CHSY3: variants seen among roughly 807,000 people sequenced by gnomAD.
CHSY3 encodes the protein chondroitin sulfate synthase 3, also known as N-acetylgalactosaminyl-proteoglycan 3-beta-glucuronosyltransferase 3.
CHSY3 carries 35 observed loss-of-function variants against 67.2 expected under a neutral mutation model. The observed-to-expected ratio is 0.52, with a 90% CI of 0.40 to 0.69. The LOEUF (loss-of-function observed/expected upper bound fraction) is 0.69. Among genes scored for constraint, CHSY3 ranks in the 30% least tolerant of loss-of-function variants. The pLI is 0.00. For missense variants in CHSY3, 1,069 were observed against 1,138.5 expected (o/e 0.94, Z 0.88); for synonymous variants, 474 against 434.7 (o/e 1.09, Z -1.12).
chr5:129,983,979 G>T (rs1015639968), intron 2 of CHSY3, among the ~76,000 whole-genome samples: 6 of 151,990 alleles, frequency 3.9e-5, no homozygotes, highest in Non-Finnish European at 8.8e-5. Context: ...TAGGAAACAA[G>T]GAGTGTTATC....
intron 2 of CHSY3, among the ~76,000 whole-genome samples, chr5:130,173,367 G>A (rs1000076792): frequency 1.3e-5 from 2 of 152,048 alleles, no homozygotes; most frequent in Non-Finnish European, 2.9e-5. Flanking sequence ...GATTCCATGT[G>A]TCCTTTATCC....
At chr5:130,081,554 ACTCC>A (rs1416380314) in intron 2 of CHSY3, among the ~76,000 whole-genome samples, 1 of 151,664 alleles carries the variant, frequency 6.6e-6, no homozygotes, top group Non-Finnish European at 1.5e-5. Flanking sequence ...ACCCAAATCC[ACTCC>A]TGAATTGTGG....
rs771886339 is a variant in CHSY3 at position 130,185,503 on chromosome 5, A to C, written c.2361A>C (p.Lys787Asn). The C allele has an allele frequency of 6.2e-7, 1 of 1,614,144 alleles. No individual in the cohort carries two copies. Among genetic ancestry groups the C allele is most frequent in the Non-Finnish European group, 8.5e-7 (1 of 1,180,004 alleles). Reference protein sequence around the residue: ...DYGYGITCIYKSDLLGAGGFD... With the variant: ...DYGYGITCIYNSDLLGAGGFD... ...GATATGGCATCACCTGTATTTACAAAAGTGATCTTCTAGGTGCAGGTGGAT... is the reference window on the plus strand; with the variant it reads ...GATATGGCATCACCTGTATTTACAACAGTGATCTTCTAGGTGCAGGTGGAT... Residue 787 changes from lysine (K) to asparagine (N), a missense_variant, in exon 3 of 3, where the codon AAA (lysine) becomes AAC (asparagine). This residue lies in a region of CHSY3 where 139 missense variants were observed against 152.8 expected (regional missense o/e 0.91). Coordinates refer to ENST00000305031, the MANE Select transcript of CHSY3 (RefSeq NM_175856.5).
chr5:130,043,834 G>A (rs1291260518), intron 2 of CHSY3, among the ~76,000 whole-genome samples: 1 of 152,074 alleles, frequency 6.6e-6, no homozygotes, highest in Non-Finnish European at 1.5e-5. Context: ...GGAGAAAAAG[G>A]TTGACTTTTG....
At chr5:130,117,792 C>T (rs558758901) in intron 2 of CHSY3, among the ~76,000 whole-genome samples, 1 of 152,262 alleles carries the variant, frequency 6.6e-6, no homozygotes, top group African/African-American at 2.4e-5. Flanking sequence ...GATCATTTTT[C>T]TTGATGCTCA....
At chr5:129,942,331 T>G (rs1359253311) in intron 2 of CHSY3, among the ~76,000 whole-genome samples, 1 of 152,210 alleles carries the variant, frequency 6.6e-6, no homozygotes, top group Non-Finnish European at 1.5e-5. Context: ...TAAATTTGTT[T>G]TATTTAAATG....
At chr5:130,023,623 T>C (rs1205256219) in intron 2 of CHSY3, among the ~76,000 whole-genome samples, 2 of 152,020 alleles carry the variant, frequency 1.3e-5, no homozygotes, top group Non-Finnish European at 2.9e-5. Flanking sequence ...TCTTCAGATT[T>C]ACAGTTTTTC....
At chr5:130,150,652 T>C (rs1769209976) in intron 2 of CHSY3, among the ~76,000 whole-genome samples, 1 of 152,180 alleles carries the variant, frequency 6.6e-6, no homozygotes, top group Admixed American at 6.5e-5. Context: ...ATCATGGTGC[T>C]AAGAGTACTG....
chr5:130,076,474 T>A (rs922652170), intron 2 of CHSY3, among the ~76,000 whole-genome samples: 1 of 151,988 alleles, frequency 6.6e-6, no homozygotes, highest in African/African-American at 2.4e-5. Context: ...CATTTTGGTA[T>A]CCTGCGTCTT....
At chr5:130,085,302 AATATGAG>A (rs1319301800) in intron 2 of CHSY3, among the ~76,000 whole-genome samples, 1 of 152,070 alleles carries the variant, frequency 6.6e-6, no homozygotes, top group African/African-American at 2.4e-5. Context: ...TAATGATATG[AATATGAG>A]ATTTCAAAAG....
chr5:130,137,970 A>G (rs1768720702), intron 2 of CHSY3, among the ~76,000 whole-genome samples: 1 of 152,052 alleles, frequency 6.6e-6, no homozygotes, highest in Non-Finnish European at 1.5e-5. Context: ...AAATTTTTTG[A>G]TTTGTAAATT....
chr5:129,939,072 G>A (rs886145433), intron 2 of CHSY3, among the ~76,000 whole-genome samples: 3 of 152,156 alleles, frequency 2.0e-5, no homozygotes, highest in Non-Finnish European at 4.4e-5. Flanking sequence ...TCTGCTCTTG[G>A]GGAGCCCTCA....
intron 2 of CHSY3, among the ~76,000 whole-genome samples, chr5:130,100,350 A>ATTT (rs3065055): frequency 7.5e-4 from 99 of 131,684 alleles, no homozygotes; most frequent in African/African-American, 2.6e-3. Context: ...ATGCTTGGCT[A>ATTT]TTTTTTTTTT....
chr5:129,904,191 G>A (rs76881141), upstream of CHSY3, among the ~76,000 whole-genome samples: 3,154 of 152,128 alleles, frequency 0.021, 38 homozygotes, highest in South Asian at 0.052. Flanking sequence ...GGGGGAGGAG[G>A]GAAGAGGGGG....
chr5:130,182,027 A>G (rs565837735), intron 2 of CHSY3, among the ~76,000 whole-genome samples: 2 of 152,140 alleles, frequency 1.3e-5, no homozygotes, highest in Non-Finnish European at 2.9e-5. Context: ...TATTGGGCAT[A>G]TATCTAAGAG....
intron 2 of CHSY3, among the ~76,000 whole-genome samples, chr5:130,117,486 T>G (rs1214659786): frequency 6.6e-6 from 1 of 152,202 alleles, no homozygotes; most frequent in East Asian, 1.9e-4. Flanking sequence ...CTGAGCTCTT[T>G]GCAGCTTCAT....
chr5:129,938,111 T>C (rs1761566703), intron 2 of CHSY3, among the ~76,000 whole-genome samples: 2 of 152,168 alleles, frequency 1.3e-5, no homozygotes, highest in Admixed American at 6.5e-5. Context: ...CTTAACACCA[T>C]GTGGAAGCCA....
At chr5:129,932,891 A>G (rs921935939) in intron 2 of CHSY3, among the ~76,000 whole-genome samples, 4 of 151,944 alleles carry the variant, frequency 2.6e-5, no homozygotes, top group Admixed American at 6.6e-5. Context: ...TAGAAGAAAT[A>G]AAGGAATGTT....
intron 1 of CHSY3, 67 bp downstream of exon 1, chr5:129,905,698 A>C: frequency 6.4e-7 from 1 of 1,569,644 alleles, no homozygotes. Context: ...AACCGGTCCT[A>C]GCCCCTGCCC....
Sources: gnomAD v4.1 joint callset for allele counts (sites outside exome capture counted in the v4.1 genomes callset) on GRCh38, gnomAD v4.1.1 for gene constraint, gnomAD v4.1.1 regional missense constraint, MANE v1.5 for transcripts, NCBI Gene and HGNC (gene_info 2026-07-23, HGNC 2026-07-21) for gene names.